HS3ST5: variants seen among roughly 807,000 people sequenced by gnomAD.
HS3ST5 encodes heparan sulfate glucosamine 3-O-sulfotransferase 5.
A neutral mutation model predicts 25.4 loss-of-function variants in HS3ST5; 10 were observed. The observed-to-expected ratio is 0.39, with a 90% confidence interval of 0.24 to 0.67. HS3ST5 has a LOEUF of 0.67. Among genes scored for constraint, HS3ST5 ranks in the 30% least tolerant of loss-of-function variants. The pLI is 0.44. For synonymous variants in HS3ST5, 170 were observed against 162.4 expected, an observed-to-expected ratio of 1.05 and a Z score of -0.36; for missense variants, 324 against 420.7, an observed-to-expected ratio of 0.77 and a Z score of 2.01.
At chr6:114,271,096 TTGAG>T (rs1562259553) in intron 1 of HS3ST5, among the ~76,000 whole-genome samples, 1 of 152,122 alleles carries the variant, frequency 6.6e-6, no homozygotes. Flanking sequence ...TATCTGTTGC[TTGAG>T]TATTTCCATT....
intron 1 of HS3ST5, among the ~76,000 whole-genome samples, chr6:114,299,259 G>A (rs62444079): frequency 3.3e-5 from 5 of 152,216 alleles, no homozygotes; most frequent in Admixed American, 6.5e-5. Context: ...TTAGGACAAG[G>A]AAATTCCTGC....
intron 1 of HS3ST5, among the ~76,000 whole-genome samples, chr6:114,308,346 G>A (rs1489939968): frequency 2.0e-5 from 3 of 152,178 alleles, no homozygotes; most frequent in Non-Finnish European, 1.5e-5. Context: ...AGCACTTTGG[G>A]AGGCCGAGGC....
chr6:114,255,720 GGGGCTTACACCC>G (rs551944681), intron 1 of HS3ST5, among the ~76,000 whole-genome samples: 2,797 of 152,256 alleles, frequency 0.018, 108 homozygotes, highest in African/African-American at 0.063. Context: ...GCCAAGGCTT[GGGGCTTACACCC>G]TCTGAAGCCA....
At chr6:114,126,636 T>C (rs372986188) in intron 3 of HS3ST5, among the ~76,000 whole-genome samples, 1 of 152,214 alleles carries the variant, frequency 6.6e-6, no homozygotes, top group South Asian at 2.1e-4. Context: ...TAAGTGGCTG[T>C]TGTTTTTATT....
Position 114,058,091 on chromosome 6 carries a change from G to C in HS3ST5, c.207C>G (p.His69Gln). 6.2e-7 allele frequency: 1 copy of C among 1,614,138 alleles called. No individual in the cohort carries two copies. The highest frequency in any genetic ancestry group is 8.5e-7 in the Non-Finnish European group (1 of 1,180,014). ...TGGAAGCGTTGCCCTTCCGGAACTC[G>C]TGCAGCAGGCCACGCTTAAACTGCA... ...RALQFKRGLL[H>Q]EFRKGNASKE... The change falls in exon 5 of 5, where the codon CAC (histidine) becomes CAG (glutamine). Residue 69 changes from histidine (H) to glutamine (Q), a missense_variant. This residue lies in a region of HS3ST5 where 121 missense variants were observed against 117.3 expected (regional missense o/e 1.03). Transcript: ENST00000312719.
At chr6:114,213,183 C>T (rs939478256) in intron 2 of HS3ST5, among the ~76,000 whole-genome samples, 5 of 152,086 alleles carry the variant, frequency 3.3e-5, no homozygotes, top group East Asian at 3.9e-4. Flanking sequence ...GAAGTCCTGC[C>T]GTCAAGCCAT....
intron 3 of HS3ST5, among the ~76,000 whole-genome samples, chr6:114,145,604 A>G (rs914945359): frequency 6.6e-6 from 1 of 152,196 alleles, no homozygotes; most frequent in African/African-American, 2.4e-5. Flanking sequence ...ACAGATGTCA[A>G]AACCATAAAG....
intron 3 of HS3ST5, among the ~76,000 whole-genome samples, chr6:114,119,326 C>T (rs1776673476): frequency 6.6e-6 from 1 of 152,184 alleles, no homozygotes; most frequent in Non-Finnish European, 1.5e-5. Flanking sequence ...TGATAGATGA[C>T]AGAACTTTTG....
intron 1 of HS3ST5, among the ~76,000 whole-genome samples, chr6:114,311,329 A>G (rs554674517): frequency 5.6e-4 from 85 of 152,256 alleles, no homozygotes; most frequent in African/African-American, 1.8e-3. Flanking sequence ...GTGATTGTAT[A>G]TTTGGAAGAA....
chr6:114,086,245 T>G (rs1343383758), intron 3 of HS3ST5, among the ~76,000 whole-genome samples: 1 of 152,194 alleles, frequency 6.6e-6, no homozygotes, highest in Non-Finnish European at 1.5e-5. Context: ...GGGAGATCAC[T>G]CAGGTGGGTC....
At chr6:114,321,912 T>G (rs1775986169) in intron 1 of HS3ST5, among the ~76,000 whole-genome samples, 2 of 152,170 alleles carry the variant, frequency 1.3e-5, no homozygotes, top group Admixed American at 1.3e-4. Context: ...TGACTTGATC[T>G]TTCCAATTAA....
At chr6:114,075,584 T>C (rs1466725612) in intron 3 of HS3ST5, among the ~76,000 whole-genome samples, 2 of 152,238 alleles carry the variant, frequency 1.3e-5, no homozygotes, top group African/African-American at 4.8e-5. Context: ...TGCTCTATTG[T>C]CGCTGTCTTA....
intron 3 of HS3ST5, among the ~76,000 whole-genome samples, chr6:114,138,759 T>C (rs970886467): frequency 6.6e-6 from 1 of 152,198 alleles, no homozygotes; most frequent in African/African-American, 2.4e-5. Context: ...TGGTGAGTTG[T>C]CTTAGTCCCT....
chr6:114,133,190 A>G (rs1435651336), intron 3 of HS3ST5, among the ~76,000 whole-genome samples: 2 of 152,102 alleles, frequency 1.3e-5, no homozygotes, highest in Admixed American at 1.3e-4. Flanking sequence ...AAGGGATGAC[A>G]ATGGGCCTGG....
chr6:114,311,155 C>A (rs984594144), intron 1 of HS3ST5, among the ~76,000 whole-genome samples: 3 of 152,016 alleles, frequency 2.0e-5, no homozygotes, highest in African/African-American at 7.2e-5. Context: ...AAAACAACAA[C>A]AAAAATATTT....
At chr6:114,315,850 C>T (rs1464752722) in intron 1 of HS3ST5, among the ~76,000 whole-genome samples, 2 of 152,138 alleles carry the variant, frequency 1.3e-5, no homozygotes, top group East Asian at 3.9e-4. Context: ...AAAATCTTTG[C>T]ATAAAATCAC....
At chr6:114,176,996 C>G (rs1279498614) in intron 2 of HS3ST5, among the ~76,000 whole-genome samples, 1 of 152,136 alleles carries the variant, frequency 6.6e-6, no homozygotes, top group Non-Finnish European at 1.5e-5. Flanking sequence ...TCTGTGCAAC[C>G]TGCATTTCCT....
intron 3 of HS3ST5, among the ~76,000 whole-genome samples, chr6:114,166,183 C>T (rs1446737682): frequency 2.0e-5 from 3 of 151,586 alleles, no homozygotes; most frequent in African/African-American, 7.3e-5. Flanking sequence ...CTTAGGTCTA[C>T]TGAGAGTCTA....
At chr6:114,310,766 T>C (rs948617538) in intron 1 of HS3ST5, among the ~76,000 whole-genome samples, 6 of 152,186 alleles carry the variant, frequency 3.9e-5, no homozygotes, top group African/African-American at 1.4e-4. Context: ...GAACTGTCTG[T>C]ATATGTTTAA....
Sources: allele counts gnomAD v4.1 joint callset (sites outside exome capture counted in the v4.1 genomes callset), GRCh38; gene constraint gnomAD v4.1.1; regional missense constraint gnomAD v4.1.1; transcripts MANE v1.5; gene names NCBI Gene and HGNC (gene_info 2026-07-23, HGNC 2026-07-21).